UPP2: variants seen among roughly 807,000 people sequenced by gnomAD.
The protein encoded by UPP2 is uridine phosphorylase 2.
A neutral mutation model predicts 26.7 loss-of-function variants in UPP2; 23 were observed. The observed-to-expected ratio is 0.86, with a 90% CI of 0.62 to 1.22. The LOEUF (loss-of-function observed/expected upper bound fraction) is 1.22, where lower values mean the gene tolerates loss of function less well. UPP2 is among the 50% of genes most tolerant of loss of function. The pLI is 0.00. For missense variants in UPP2, 387 were observed against 396.7 expected (o/e 0.98, Z 0.21); for synonymous variants, 127 against 141.3 (o/e 0.90, Z 0.72).
At chr2:158,114,413 T>C (rs868095960) in intron 2 of UPP2, among the ~76,000 whole-genome samples, 2 of 152,204 alleles carry the variant, frequency 1.3e-5, no homozygotes, top group Non-Finnish European at 2.9e-5. Context: ...GACAATTGTA[T>C]TACCATCTTC....
At position 158,135,712 on chromosome 2, in the gene UPP2, C is replaced by T. The variant is rs1683918661; in HGVS notation, c.*822C>T. On this transcript the variant is annotated 3_prime_UTR_variant, in exon 7 of 7. Transcript: ENST00000005756. ...CTTGAGTTCAAGATGTTAAAGGAAT[C>T]CTTTTGTATGACTTGTCCAGACCGG... The T allele has an allele frequency of 6.6e-6, 1 of 152,170 alleles. No homozygotes were observed. The highest frequency in any genetic ancestry group is 1.5e-5 in the Non-Finnish European group (1 of 68,038). 9.4% of individuals were successfully genotyped at this position (152,170 alleles called of 1,614,324 possible).
chr2:158,116,592 G>C (rs887060234), intron 3 of UPP2, among the ~76,000 whole-genome samples: 12 of 152,164 alleles, frequency 7.9e-5, no homozygotes, highest in Non-Finnish European at 1.2e-4. Flanking sequence ...TGGTTGAATG[G>C]GGTGCGTGTG....
intron 3 of UPP2, among the ~76,000 whole-genome samples, chr2:158,093,779 G>A (rs1311716376): frequency 6.6e-6 from 1 of 151,866 alleles, no homozygotes; most frequent in African/African-American, 2.4e-5. Context: ...GTGTAACTTG[G>A]TAAAACTATT....
At chr2:158,130,947 T>C (rs544445673) in intron 6 of UPP2, among the ~76,000 whole-genome samples, 16 of 152,332 alleles carry the variant, frequency 1.1e-4, no homozygotes, top group Non-Finnish European at 2.2e-4. Flanking sequence ...ATTGTTTCTA[T>C]GTCTCTTACC....
At chr2:158,078,619 C>T (rs1179021763) in intron 3 of UPP2, among the ~76,000 whole-genome samples, 1 of 151,932 alleles carries the variant, frequency 6.6e-6, no homozygotes, top group Non-Finnish European at 1.5e-5. Flanking sequence ...AAGATGGTTA[C>T]CAGAGGCTGG....
In UPP2 at chr2:158,003,569, G is replaced by A. The variant is rs144761803; in HGVS notation, c.61+8310G>A. Among the ~76,000 whole-genome samples the A allele has an allele frequency of 5.0e-3, 757 of 152,204 alleles. 9 individuals carry two copies. The highest frequency in any genetic ancestry group is 0.017 in the African/African-American group (711 of 41,538). ...CTAAAAATACAAAAATTAGCCAGGT[G>A]TGGTGGTGTGTGCTTGTAATCCCAG... On this transcript the variant is annotated intron_variant, in intron 2 of 9. Transcript: ENST00000605860.
At chr2:158,023,574 G>T (rs1683789165) in intron 3 of UPP2, among the ~76,000 whole-genome samples, 1 of 152,182 alleles carries the variant, frequency 6.6e-6, no homozygotes, top group South Asian at 2.1e-4. Context: ...AAGCTGGTCA[G>T]CAGGAGAGCC....
intron 3 of UPP2, among the ~76,000 whole-genome samples, chr2:158,016,269 G>T (rs1230776423): frequency 6.6e-6 from 1 of 151,646 alleles, no homozygotes; most frequent in African/African-American, 2.4e-5. Flanking sequence ...GGATCAAGTT[G>T]TCTCATAAAG....
At chr2:158,061,644 A>G (rs1394365087) in intron 3 of UPP2, among the ~76,000 whole-genome samples, 2 of 152,240 alleles carry the variant, frequency 1.3e-5, no homozygotes, top group African/African-American at 4.8e-5. Context: ...ATCTGCCAAC[A>G]GACAGTATCA....
At position 158,128,058 on chromosome 2, in the gene UPP2, C is replaced by T. The variant is rs1683731246; in HGVS notation, c.811+4163C>T. On this transcript the variant is annotated intron_variant, in intron 6 of 6. Coordinates refer to ENST00000005756, the MANE Select transcript of UPP2 (RefSeq NM_173355.4). ...GTGGTAAGTATGTTTAACTTGTATT[C>T]GTGTTTTAAAGACAGTGCTGCCTTT... is the stretch of plus-strand genomic sequence containing the variant. The T allele has an allele frequency of 1.3e-5, 13 of 977,494 alleles. No homozygotes were observed. The South Asian group carries it at 1.4e-4, about 11-fold the overall frequency. The allele number at this position is 977,494 out of a possible 1,614,324, so 60.6% of individuals were successfully genotyped here.
chr2:158,083,867 T>TTATATATATATATATATATA (rs200105900), intron 3 of UPP2, among the ~76,000 whole-genome samples: 2 of 145,878 alleles, frequency 1.4e-5, no homozygotes, highest in African/African-American at 5.1e-5. Context: ...TATATGTTTT[T>TTATATATATATATATATATA]TATATATATA....
chr2:158,046,972 T>C (rs375143362), intron 3 of UPP2, among the ~76,000 whole-genome samples: 3 of 152,188 alleles, frequency 2.0e-5, no homozygotes, highest in South Asian at 2.1e-4. Context: ...TTAAAAGAGA[T>C]CAACTAAAAC....
intron 3 of UPP2, among the ~76,000 whole-genome samples, chr2:158,023,328 G>T (rs1683785533): frequency 6.6e-6 from 1 of 151,926 alleles, no homozygotes; most frequent in Non-Finnish European, 1.5e-5. Flanking sequence ...ATTGGCAGAG[G>T]ATCTCAATTC....
At chr2:158,023,952 C>T (rs76557526) in intron 3 of UPP2, among the ~76,000 whole-genome samples, 4,540 of 152,230 alleles carry the variant, frequency 0.03, 216 homozygotes, top group African/African-American at 0.1. Flanking sequence ...AGGGAGATTG[C>T]CTGCGTCAAA....
At chr2:158,083,433 T>TG (rs1374945196) in intron 3 of UPP2, among the ~76,000 whole-genome samples, 5 of 152,136 alleles carry the variant, frequency 3.3e-5, no homozygotes, top group Non-Finnish European at 5.9e-5. Flanking sequence ...GAAACCATCA[T>TG]TCTCAGCAAA....
At chr2:158,127,933 A>G in intron 6 of UPP2, 1 of 900,754 alleles carries the variant, frequency 1.1e-6, no homozygotes, top group Non-Finnish European at 1.3e-6. Flanking sequence ...CTATCACTTT[A>G]TAATATGCAC....
At chr2:158,090,278 G>A (rs577492295) in intron 3 of UPP2, among the ~76,000 whole-genome samples, 4 of 152,204 alleles carry the variant, frequency 2.6e-5, no homozygotes, top group Admixed American at 6.5e-5. Context: ...CGAGGCGGGC[G>A]GATCACGAGG....
chr2:158,000,026 G>A (rs146974146), intron 2 of UPP2, among the ~76,000 whole-genome samples: 38 of 152,038 alleles, frequency 2.5e-4, no homozygotes, highest in Middle Eastern at 3.4e-3. Context: ...AAGAATGGTA[G>A]AAAAGATAAT....
rs570726383 is a variant in UPP2, at chr2:158,116,152, C to G, written c.339+893C>G. Reference sequence around the variant, plus strand: ...AAATTATGCAACACCAATAAGGCAGCTAAATTGCTCTCCTCTCTGGGCCAA... The same window carrying G: ...AAATTATGCAACACCAATAAGGCAGGTAAATTGCTCTCCTCTCTGGGCCAA... On this transcript the variant is annotated intron_variant, in intron 3 of 6. Transcript: ENST00000005756. Among the ~76,000 whole-genome samples, 5 of 152,298 alleles carry G rather than the reference C, an allele frequency of 3.3e-5. No homozygotes were observed. In the East Asian group the frequency reaches 9.6e-4, roughly 29 times the overall value.
Sources: gnomAD v4.1 joint callset for allele counts (sites outside exome capture counted in the v4.1 genomes callset) on GRCh38, gnomAD v4.1.1 for gene constraint, MANE v1.5 for transcripts, NCBI Gene and HGNC (gene_info 2026-07-23, HGNC 2026-07-21) for gene names.